The following SPOCK1 variants were observed in gnomAD, a reference collection of about 807,000 sequenced individuals.
SPOCK1 encodes the protein testican-1.
SPOCK1 carries 23 observed loss-of-function variants against 55.3 expected under a neutral mutation model. The ratio of observed to expected loss-of-function variants is 0.42; its 90% CI spans 0.30 to 0.59. SPOCK1 has a LOEUF of 0.59. Ranked by LOEUF, SPOCK1 falls within the 20% of genes least tolerant of loss-of-function variation. The pLI is 0.22. For synonymous variants in SPOCK1, 226 were observed against 221.0 expected (o/e 1.02, Z -0.20); for missense variants, 499 against 552.5 (o/e 0.90, Z 0.97).
At chr5:137,419,941 T>C (rs2149825258) in intron 2 of SPOCK1, among the ~76,000 whole-genome samples, 1 of 152,332 alleles carries the variant, frequency 6.6e-6, no homozygotes, top group South Asian at 2.1e-4. Flanking sequence ...TGTGGGTTTG[T>C]CATAGATAGC....
chr5:137,138,540 G>A, intron 4 of SPOCK1, among the ~76,000 whole-genome samples: 1 of 131,364 alleles, frequency 7.6e-6, no homozygotes, highest in East Asian at 2.4e-4. Context: ...ACACACACAT[G>A]GCTAAACAAC....
At chr5:136,996,746 G>A (rs749565410) in intron 6 of SPOCK1, among the ~76,000 whole-genome samples, 1 of 152,162 alleles carries the variant, frequency 6.6e-6, no homozygotes, top group Admixed American at 6.5e-5. Flanking sequence ...ATTACCAATT[G>A]GCAGGATCCT....
At chr5:137,402,939 G>A (rs1190605227) in intron 2 of SPOCK1, among the ~76,000 whole-genome samples, 1 of 152,186 alleles carries the variant, frequency 6.6e-6, no homozygotes, top group African/African-American at 2.4e-5. Context: ...AGAGTTGTGA[G>A]AAACCTCAGA....
intron 8 of SPOCK1, among the ~76,000 whole-genome samples, chr5:136,987,350 C>CTGA (rs1212754589): frequency 6.6e-6 from 1 of 152,030 alleles, no homozygotes; most frequent in African/African-American, 2.4e-5. Context: ...ACACAAGAAC[C>CTGA]TGATAGAAAA....
intron 5 of SPOCK1, among the ~76,000 whole-genome samples, chr5:137,088,584 C>T (rs1246663393): frequency 6.6e-6 from 1 of 152,194 alleles, no homozygotes; most frequent in Non-Finnish European, 1.5e-5. Context: ...CCTTCACCCC[C>T]AGTCCTCCAG....
intron 2 of SPOCK1, among the ~76,000 whole-genome samples, chr5:137,310,691 A>T (rs935314361): frequency 6.6e-6 from 1 of 152,338 alleles, no homozygotes; most frequent in Non-Finnish European, 1.5e-5. Flanking sequence ...GCATCTGAAA[A>T]TGACAGTTCC....
At chr5:137,081,331 G>C (rs1167473370) in intron 5 of SPOCK1, among the ~76,000 whole-genome samples, 1 of 152,200 alleles carries the variant, frequency 6.6e-6, no homozygotes, top group Non-Finnish European at 1.5e-5. Flanking sequence ...GATTTTTAAA[G>C]TGATAGAGAG....
At chr5:137,214,211 T>C (rs1440280218) in intron 3 of SPOCK1, among the ~76,000 whole-genome samples, 1 of 152,218 alleles carries the variant, frequency 6.6e-6, no homozygotes, top group African/African-American at 2.4e-5. Flanking sequence ...AAAAAGAGAT[T>C]ATTTTTATTT....
At chr5:137,217,462 A>G (rs1040441646) in intron 3 of SPOCK1, among the ~76,000 whole-genome samples, 1 of 152,158 alleles carries the variant, frequency 6.6e-6, no homozygotes, top group Non-Finnish European at 1.5e-5. Flanking sequence ...TCCGTTTCCC[A>G]TCTGTAAAAC....
chr5:137,498,703 C>A (rs1754364379), intron 1 of SPOCK1, 145 bp from the exon 2 acceptor site: 2 of 499,884 alleles, frequency 4.0e-6, no homozygotes, highest in African/African-American at 4.1e-5. Context: ...GCGCCTGTCG[C>A]GCCTCTAGAC....
chr5:137,246,113 G>A (rs1756390372), intron 3 of SPOCK1, among the ~76,000 whole-genome samples: 1 of 152,182 alleles, frequency 6.6e-6, no homozygotes, highest in Non-Finnish European at 1.5e-5. Context: ...CATCATTATA[G>A]TCAACTCTAT....
At chr5:137,093,164 T>G (rs1461530407) in intron 5 of SPOCK1, among the ~76,000 whole-genome samples, 1 of 152,192 alleles carries the variant, frequency 6.6e-6, no homozygotes, top group Non-Finnish European at 1.5e-5. Context: ...AATATGTGTT[T>G]TAGAGGGGAC....
At chr5:137,433,866 G>GA (rs59590757) in intron 2 of SPOCK1, among the ~76,000 whole-genome samples, 1 of 151,718 alleles carries the variant, frequency 6.6e-6, no homozygotes, top group Non-Finnish European at 1.5e-5. Flanking sequence ...TAATTGAGGG[G>GA]AAAAAAATGG....
intron 3 of SPOCK1, among the ~76,000 whole-genome samples, chr5:137,254,239 CAA>C (rs915629590): frequency 1.3e-5 from 2 of 152,172 alleles, no homozygotes; most frequent in Non-Finnish European, 2.9e-5. Context: ...AGGGTCACCG[CAA>C]AGAGATGTGG....
chr5:137,125,040 CA>C (rs1372842356), intron 4 of SPOCK1, among the ~76,000 whole-genome samples: 1 of 152,124 alleles, frequency 6.6e-6, no homozygotes, highest in Non-Finnish European at 1.5e-5. Flanking sequence ...ATGCAGCAAA[CA>C]AAAGGAAATG....
At chr5:137,307,941 T>C (rs949180131) in intron 2 of SPOCK1, among the ~76,000 whole-genome samples, 2 of 152,202 alleles carry the variant, frequency 1.3e-5, no homozygotes, top group Non-Finnish European at 2.9e-5. Flanking sequence ...TGCATTTCCA[T>C]AATGACAAAA....
At chr5:137,310,196 A>T (rs1757765197) in intron 2 of SPOCK1, among the ~76,000 whole-genome samples, 1 of 152,216 alleles carries the variant, frequency 6.6e-6, no homozygotes, top group African/African-American at 2.4e-5. Flanking sequence ...TCTTAAAAGG[A>T]TTAAATGAGA....
At chr5:137,376,687 T>C (rs555688719) in intron 2 of SPOCK1, among the ~76,000 whole-genome samples, 1 of 152,276 alleles carries the variant, frequency 6.6e-6, no homozygotes, top group African/African-American at 2.4e-5. Flanking sequence ...ACTCCTGGAC[T>C]TATCTTATTT....
intron 6 of SPOCK1, among the ~76,000 whole-genome samples, chr5:137,032,768 AG>A (rs1422852776): frequency 2.0e-5 from 3 of 152,048 alleles, no homozygotes; most frequent in Admixed American, 2.0e-4. Context: ...GAGAAAAGGG[AG>A]GCAGTCGGTA....
Sources: allele counts gnomAD v4.1 joint callset (sites outside exome capture counted in the v4.1 genomes callset), GRCh38; gene constraint gnomAD v4.1.1; transcripts MANE v1.5; gene names NCBI Gene and HGNC (gene_info 2026-07-23, HGNC 2026-07-21).